NTRK2: variants seen among roughly 807,000 people sequenced by gnomAD.
The protein encoded by NTRK2 is neurotrophic receptor tyrosine kinase 2, also known as BDNF/NT-3 growth factors receptor.
A neutral mutation model predicts 94.5 loss-of-function variants in NTRK2; 13 were observed. That is an observed-to-expected ratio of 0.14 (90% confidence interval 0.09 to 0.22). The LOEUF (loss-of-function observed/expected upper bound fraction) is 0.22, where lower values mean the gene tolerates loss of function less well. NTRK2 is among the 10% of genes least tolerant of loss of function. The probability of loss-of-function intolerance (pLI) is 1.00; values close to 1 mark genes in which losing one functional copy is unlikely to be tolerated. For missense variants in NTRK2, 639 were observed against 1,071.2 expected, an observed-to-expected ratio of 0.60 and a Z score of 5.63; for synonymous variants, 372 against 407.4, an observed-to-expected ratio of 0.91 and a Z score of 1.05.
intron 15 of NTRK2, among the ~76,000 whole-genome samples, chr9:84,944,911 T>G (rs2078544462): frequency 6.6e-6 from 1 of 152,250 alleles, no homozygotes; most frequent in African/African-American, 2.4e-5. Context: ...TGTGTCCCTG[T>G]GGAGTAGATG....
chr9:84,758,978 A>G (rs2065310306), intron 12 of NTRK2, among the ~76,000 whole-genome samples: 1 of 152,226 alleles, frequency 6.6e-6, no homozygotes, highest in Non-Finnish European at 1.5e-5. Context: ...AAGTTTTCAC[A>G]GAAACCCTTT....
intron 14 of NTRK2, chr9:84,872,092 A>T (rs1345923754): frequency 7.5e-7 from 1 of 1,340,486 alleles, no homozygotes; most frequent in African/African-American, 1.5e-5. Context: ...GGAGCTGAGG[A>T]GCTCAGCAAC....
At chr9:84,875,517 A>G (rs982901923) in intron 14 of NTRK2, 4 of 1,063,258 alleles carry the variant, frequency 3.8e-6, no homozygotes, top group African/African-American at 3.3e-5. Context: ...GCAGATGATC[A>G]CTTTTTGCCT....
chr9:84,701,952 A>AT (rs2060755871), intron 2 of NTRK2, among the ~76,000 whole-genome samples: 1 of 152,180 alleles, frequency 6.6e-6, no homozygotes, highest in Non-Finnish European at 1.5e-5. Flanking sequence ...AACCCAGTGC[A>AT]AGGGTTATTG....
chr9:84,696,981 G>A (rs1179013665), intron 2 of NTRK2, among the ~76,000 whole-genome samples: 2 of 152,166 alleles, frequency 1.3e-5, no homozygotes, highest in African/African-American at 4.8e-5. Flanking sequence ...TGGTAAGGGA[G>A]GAAGGCACAT....
chr9:84,856,184 G>A (rs2075053926), intron 12 of NTRK2, among the ~76,000 whole-genome samples: 1 of 152,126 alleles, frequency 6.6e-6, no homozygotes, highest in African/African-American at 2.4e-5. Flanking sequence ...GAAGGACAAG[G>A]GATGGAGCCA....
At chr9:84,878,668 G>A (rs530197835) in intron 14 of NTRK2, among the ~76,000 whole-genome samples, 11 of 150,846 alleles carry the variant, frequency 7.3e-5, no homozygotes, top group Non-Finnish European at 1.5e-4. Context: ...TTTTTTAAGC[G>A]CAAATATTTG....
chr9:84,867,240 C>T lies in NTRK2; in HGVS notation c.1445-3C>T, dbSNP rs199748296. 3 of 1,613,746 alleles carry T rather than the reference C, an allele frequency of 1.9e-6. No homozygotes were observed. The highest frequency in any genetic ancestry group is 1.7e-6 in the Non-Finnish European group (2 of 1,179,842). Reference sequence around the variant, plus strand: ...GAGAATATATATATTTTTCCATCTCCAGGCCCAGCCTCCGTTATCAGCAAT... The same window carrying T: ...GAGAATATATATATTTTTCCATCTCTAGGCCCAGCCTCCGTTATCAGCAAT... On this transcript the variant is annotated splice_polypyrimidine_tract_variant and splice_region_variant and intron_variant, in intron 13 of 18. Coordinates refer to ENST00000277120, the MANE Select transcript of NTRK2 (RefSeq NM_006180.6).
chr9:84,797,868 T>A (rs9410599), intron 12 of NTRK2, among the ~76,000 whole-genome samples: 2 of 97,450 alleles, frequency 2.1e-5, no homozygotes, highest in African/African-American at 4.2e-5. Context: ...ACTATAATAA[T>A]ATATATAATA....
At chr9:84,831,993 C>T (rs1208752008) in intron 12 of NTRK2, among the ~76,000 whole-genome samples, 3 of 152,204 alleles carry the variant, frequency 2.0e-5, no homozygotes, top group African/African-American at 7.2e-5. Context: ...CCAGTTAACT[C>T]CAAAATAATT....
At chr9:84,953,794 G>C (rs1031517479) in intron 16 of NTRK2, among the ~76,000 whole-genome samples, 11 of 152,222 alleles carry the variant, frequency 7.2e-5, no homozygotes, top group African/African-American at 2.7e-4. Flanking sequence ...GTACATGAGA[G>C]AAATTAAAGG....
chr9:84,742,789 GTTTTT>G lies in NTRK2; in HGVS notation c.1195+885_1195+889del, dbSNP rs757253032. Among the ~76,000 whole-genome samples, 551 of 103,614 alleles carry G rather than the reference GTTTTT, an allele frequency of 5.3e-3. 17 individuals carry two copies. The highest frequency in any genetic ancestry group is 0.019 in the Middle Eastern group (3 of 156). The allele number at this position is 103,614 out of a possible 152,430, so 68.0% of individuals were successfully genotyped here. A position where few individuals can be genotyped will look rare whatever the true frequency, so the allele number is the denominator to read the frequency against. On this transcript the variant is annotated intron_variant, in intron 10 of 18. Transcript: ENST00000277120. ...AAAGAAACCAAAGTCCATTATATTA[GTTTTT>G]TTTTTTTTTTTTTTTTTTTTTTCCG...
At chr9:84,799,973 T>C (rs1482126510) in intron 12 of NTRK2, among the ~76,000 whole-genome samples, 2 of 152,190 alleles carry the variant, frequency 1.3e-5, no homozygotes, top group African/African-American at 4.8e-5. Context: ...CCTCAAGAAA[T>C]TGACTGAATC....
intron 17 of NTRK2, among the ~76,000 whole-genome samples, chr9:84,983,400 C>A (rs952748221): frequency 3.3e-5 from 5 of 152,154 alleles, no homozygotes; most frequent in African/African-American, 1.2e-4. Flanking sequence ...TCCACTGGGG[C>A]CTTCCTCTTT....
At chr9:84,746,232 AT>A (rs1358070179) in intron 11 of NTRK2, among the ~76,000 whole-genome samples, 1 of 152,200 alleles carries the variant, frequency 6.6e-6, no homozygotes, top group Non-Finnish European at 1.5e-5. Flanking sequence ...TGAAATTAAA[AT>A]TTTATTGTCC....
chr9:84,962,528 C>G (rs1394856496), intron 17 of NTRK2, among the ~76,000 whole-genome samples: 1 of 152,122 alleles, frequency 6.6e-6, no homozygotes, highest in African/African-American at 2.4e-5. Flanking sequence ...CTTGAAATCA[C>G]TAGCCCCTAT....
At chr9:84,775,535 A>G (rs2066947893) in intron 12 of NTRK2, among the ~76,000 whole-genome samples, 1 of 152,182 alleles carries the variant, frequency 6.6e-6, no homozygotes, top group African/African-American at 2.4e-5. Flanking sequence ...CTTCTCCTGC[A>G]TATTTCTTTT....
chr9:84,811,397 A>G, intron 12 of NTRK2: 1 of 1,066,216 alleles, frequency 9.4e-7, no homozygotes, highest in East Asian at 5.0e-5. Context: ...AGGCATAGTC[A>G]ATTTCAGAAT....
At chr9:84,956,334 A>G (rs933674083) in intron 17 of NTRK2, among the ~76,000 whole-genome samples, 2 of 152,234 alleles carry the variant, frequency 1.3e-5, no homozygotes, top group South Asian at 2.1e-4. Context: ...AGTTACAGAC[A>G]GTGACTCAGA....
Sources: allele counts gnomAD v4.1 joint callset (sites outside exome capture counted in the v4.1 genomes callset), GRCh38; gene constraint gnomAD v4.1.1; transcripts MANE v1.5; gene names NCBI Gene and HGNC (gene_info 2026-07-23, HGNC 2026-07-21).